DKK2: variants seen among roughly 807,000 people sequenced by gnomAD.
DKK2 encodes the protein dickkopf-related protein 2.
DKK2 carries 11 observed loss-of-function variants against 28.1 expected under a neutral mutation model. That is an observed-to-expected ratio of 0.39 (90% CI 0.25 to 0.65). The LOEUF (loss-of-function observed/expected upper bound fraction) is 0.65. Among genes scored for constraint, DKK2 ranks in the 30% least tolerant of loss-of-function variants. DKK2 has a pLI of 0.47. For synonymous variants in DKK2, 135 were observed against 126.5 expected (o/e 1.07, Z -0.45); for missense variants, 326 against 335.5 (o/e 0.97, Z 0.22).
intron 1 of DKK2, among the ~76,000 whole-genome samples, chr4:106,957,496 A>T (rs1367264087): frequency 6.6e-6 from 1 of 152,048 alleles, no homozygotes; most frequent in Admixed American, 6.6e-5. Flanking sequence ...GAGACTTGGA[A>T]CCAACCCAAA....
Position 106,923,951 on chromosome 4 carries a change from T to G in DKK2, c.*3A>C, listed in dbSNP as rs1470086984. 6.2e-7 allele frequency: 1 copy of G among 1,613,132 alleles called. No homozygotes were observed. The highest frequency in any genetic ancestry group is 1.7e-5 in the Admixed American group (1 of 60,000). On this transcript the variant is annotated 3_prime_UTR_variant, in exon 4 of 4. Coordinates refer to ENST00000285311, the MANE Select transcript of DKK2 (RefSeq NM_014421.3). ...TGCAATTGATGATGTTCCTCAATGGTGATCAAATTTTCTGACACACATGGA... is the reference window on the plus strand; with the variant it reads ...TGCAATTGATGATGTTCCTCAATGGGGATCAAATTTTCTGACACACATGGA...
intron 1 of DKK2, among the ~76,000 whole-genome samples, chr4:106,992,648 G>A (rs371928814): frequency 1.3e-5 from 2 of 152,168 alleles, no homozygotes; most frequent in Non-Finnish European, 2.9e-5. Flanking sequence ...AATTGTTAAA[G>A]CAATAATACA....
At chr4:107,003,256 C>A (rs1463100417) in intron 1 of DKK2, among the ~76,000 whole-genome samples, 2 of 152,184 alleles carry the variant, frequency 1.3e-5, no homozygotes, top group Admixed American at 6.5e-5. Context: ...TTGCAGGAAA[C>A]CAACTACTAG....
chr4:106,999,425 C>A (rs1723324916), intron 1 of DKK2, among the ~76,000 whole-genome samples: 1 of 152,216 alleles, frequency 6.6e-6, no homozygotes, highest in African/African-American at 2.4e-5. Flanking sequence ...TGGCTCACTG[C>A]AACCTCCGCC....
At chr4:106,942,088 T>C (rs957354554) in intron 1 of DKK2, among the ~76,000 whole-genome samples, 4 of 152,114 alleles carry the variant, frequency 2.6e-5, no homozygotes, top group African/African-American at 9.7e-5. Context: ...TTTGAATGCT[T>C]TGCTAGAGGA....
chr4:107,001,096 A>T (rs539275175), intron 1 of DKK2, among the ~76,000 whole-genome samples: 1 of 151,740 alleles, frequency 6.6e-6, no homozygotes, highest in Non-Finnish European at 1.5e-5. Context: ...GGGGGAAAAA[A>T]CTCTACCCTA....
At chr4:106,958,314 C>T (rs1325107272) in intron 1 of DKK2, among the ~76,000 whole-genome samples, 2 of 151,638 alleles carry the variant, frequency 1.3e-5, no homozygotes, top group African/African-American at 2.4e-5. Flanking sequence ...TGAGAATATG[C>T]CTGGATTATA....
chr4:106,996,592 G>A (rs1723275172), intron 1 of DKK2, among the ~76,000 whole-genome samples: 1 of 152,138 alleles, frequency 6.6e-6, no homozygotes, highest in East Asian at 1.9e-4. Context: ...CAAAATTACA[G>A]GGTCATGGGA....
At chr4:107,028,860 C>T (rs538420824) in intron 1 of DKK2, among the ~76,000 whole-genome samples, 1 of 152,306 alleles carries the variant, frequency 6.6e-6, no homozygotes, top group African/African-American at 2.4e-5. Flanking sequence ...CACATAGCGA[C>T]ATTCAGATTC....
intron 1 of DKK2, among the ~76,000 whole-genome samples, chr4:107,030,930 T>C (rs561806490): frequency 6.6e-6 from 1 of 152,088 alleles, no homozygotes; most frequent in East Asian, 1.9e-4. Context: ...GTTTGTATTG[T>C]AGAAGAATAT....
chr4:106,982,871 C>CAAA (rs35733676), intron 1 of DKK2, among the ~76,000 whole-genome samples: 35 of 100,850 alleles, frequency 3.5e-4, no homozygotes, highest in African/African-American at 1.2e-3. Context: ...GACTCCATCT[C>CAAA]AAAAAAAAAA....
rs1214029102 is a variant in DKK2 at position 106,937,232 on chromosome 4, CAG to C, written c.223-11285_223-11284del. Among the ~76,000 whole-genome samples, 3 of 143,572 alleles carry C rather than the reference CAG, an allele frequency of 2.1e-5. No homozygotes were observed. The South Asian group carries it at 7.1e-4, about 34-fold the overall frequency. The allele number at this position is 143,572 out of a possible 152,430, so 94.2% of individuals were successfully genotyped here. On this transcript the variant is annotated intron_variant, in intron 1 of 3. Coordinates refer to ENST00000285311, the MANE Select transcript of DKK2 (RefSeq NM_014421.3). ...GTATTCAGGAAACCCATCTCACGTG[CAG>C]AGACACACATAGGCTCAAAATAAAA...
chr4:106,984,744 T>C (rs983643771), intron 1 of DKK2, among the ~76,000 whole-genome samples: 9 of 152,204 alleles, frequency 5.9e-5, no homozygotes, highest in Non-Finnish European at 7.3e-5. Flanking sequence ...TCATTCTTAC[T>C]AGCCAAAAAC....
chr4:106,950,807 A>G lies in DKK2; in HGVS notation c.223-24858T>C, dbSNP rs72890625. Reference sequence around the variant, plus strand: ...ATATGCATATAAAAGTACATAATCCATAAGTGTACACATTGCTAAATTTTC... The same window carrying G: ...ATATGCATATAAAAGTACATAATCCGTAAGTGTACACATTGCTAAATTTTC... On this transcript the variant is annotated intron_variant, in intron 1 of 3. Transcript: ENST00000285311. 8.8e-3 allele frequency among the ~76,000 whole-genome samples: 1,347 copies of G among 152,322 alleles called. 20 individuals are homozygous for G. The highest frequency in any genetic ancestry group is 0.03 in the African/African-American group (1,230 of 41,572).
intron 1 of DKK2, among the ~76,000 whole-genome samples, chr4:106,978,703 G>C (rs565375820): frequency 6.6e-6 from 1 of 152,154 alleles, no homozygotes; most frequent in African/African-American, 2.4e-5. Flanking sequence ...CGCTGAGCTA[G>C]ACCATTTGGC....
Position 107,015,055 on chromosome 4 carries a change from C to T in DKK2, c.222+20315G>A, listed in dbSNP as rs1011961608. Among the ~76,000 whole-genome samples the T allele has an allele frequency of 3.3e-5, 5 of 151,592 alleles. No homozygotes were observed. In the South Asian group the frequency reaches 6.2e-4, roughly 19 times the overall value. ...ATGGTCCATTTTAAACATATCTTCTCGTGCATGTGCTGAAACATTTCTGTG... is the reference window on the plus strand; with the variant it reads ...ATGGTCCATTTTAAACATATCTTCTTGTGCATGTGCTGAAACATTTCTGTG... On this transcript the variant is annotated intron_variant, in intron 1 of 3. Coordinates refer to ENST00000285311, the MANE Select transcript of DKK2 (RefSeq NM_014421.3).
At chr4:106,962,489 CTA>C (rs1465671642) in intron 1 of DKK2, among the ~76,000 whole-genome samples, 34 of 113,124 alleles carry the variant, frequency 3.0e-4, no homozygotes, top group Admixed American at 3.9e-4. Context: ...GCCAGAAAAA[CTA>C]TGTGTGTGTG....
intron 1 of DKK2, among the ~76,000 whole-genome samples, chr4:106,958,717 A>T (rs957764499): frequency 6.6e-6 from 1 of 151,772 alleles, no homozygotes; most frequent in African/African-American, 2.4e-5. Context: ...GGCGCCTGTA[A>T]TCTTAGCTAC....
rs528319078 is a variant in DKK2 at position 106,988,673 on chromosome 4, CAT to C, written c.222+46695_222+46696del. Among the ~76,000 whole-genome samples, 611 of 152,296 alleles carry C rather than the reference CAT, an allele frequency of 4.0e-3. 5 individuals are homozygous for C. Among genetic ancestry groups the C allele is most frequent in the African/African-American group, 0.014 (568 of 41,566 alleles). ...TGAAGTCCAGTGCAATGAGTGCTAA[CAT>C]GTGTGTAAACATCGTTTAAAAACTC... On this transcript the variant is annotated intron_variant, in intron 1 of 3. Coordinates refer to ENST00000285311, the MANE Select transcript of DKK2 (RefSeq NM_014421.3).
Sources: allele counts gnomAD v4.1 joint callset (sites outside exome capture counted in the v4.1 genomes callset), GRCh38; gene constraint gnomAD v4.1.1; transcripts MANE v1.5; gene names NCBI Gene and HGNC (gene_info 2026-07-23, HGNC 2026-07-21).